The following CREB5 variants were observed in gnomAD, a reference collection of about 807,000 sequenced individuals.
CREB5 encodes the protein cyclic AMP-responsive element-binding protein 5.
CREB5 carries 19 observed loss-of-function variants against 57.1 expected under a neutral mutation model. The observed-to-expected ratio is 0.33, with a 90% CI of 0.23 to 0.49. The LOEUF is 0.49. Among genes scored for constraint, CREB5 ranks in the 20% least tolerant of loss-of-function variants. The probability of loss-of-function intolerance (pLI) is 0.99; values close to 1 mark genes in which losing one functional copy is unlikely to be tolerated. For synonymous variants in CREB5, 238 were observed against 238.3 expected, an observed-to-expected ratio of 1.00 and a Z score of 0.01; for missense variants, 579 against 671.6, an observed-to-expected ratio of 0.86 and a Z score of 1.52.
chr7:28,567,050 C>T (rs572722241), intron 4 of CREB5, among the ~76,000 whole-genome samples: 57 of 152,202 alleles, frequency 3.7e-4, no homozygotes, highest in South Asian at 3.5e-3. Context: ...TTCTTTGTGC[C>T]GCAGCATAAG....
rs200075610 is a variant in CREB5 at position 28,809,432 on chromosome 7, T to G, written c.1254+18T>G. 1.3e-6 allele frequency: 2 copies of G among 1,584,170 alleles called. No homozygotes were observed. Among genetic ancestry groups the G allele is most frequent in the Non-Finnish European group, 8.6e-7 (1 of 1,164,294 alleles). On this transcript the variant is annotated intron_variant, in intron 9 of 10. Coordinates refer to ENST00000357727, the MANE Select transcript of CREB5 (RefSeq NM_182898.4). ...AGCTTCAGGTGCAGCCCACGGTGTC[T>G]TTCCCCGCGACTCAAAGGCCCTCTG...
intron 5 of CREB5, among the ~76,000 whole-genome samples, chr7:28,712,365 C>T (rs890477030): frequency 2.0e-5 from 3 of 151,502 alleles, no homozygotes; most frequent in African/African-American, 4.8e-5. Context: ...AAAATTACCC[C>T]GGCATAGTGG....
At chr7:28,818,739 T>A (rs1002987588) in intron 10 of CREB5, 4 of 462,890 alleles carry the variant, frequency 8.6e-6, no homozygotes, top group Non-Finnish European at 1.7e-5. Flanking sequence ...GAAGGTCAAT[T>A]TATTTTCAAA....
intron 5 of CREB5, among the ~76,000 whole-genome samples, chr7:28,599,834 G>A (rs940711482): frequency 3.9e-5 from 6 of 152,052 alleles, no homozygotes; most frequent in South Asian, 2.1e-4. Flanking sequence ...TCAGGGACAG[G>A]CAGGATATGA....
chr7:28,512,693 G>A lies in CREB5; in HGVS notation c.291+4956G>A, dbSNP rs377335411. 8.6e-5 allele frequency among the ~76,000 whole-genome samples: 13 copies of A among 151,976 alleles called. No homozygotes were observed. The East Asian group carries it at 1.5e-3, about 18-fold the overall frequency. Reference sequence around the variant, plus strand: ...TATGTGTGTGTGTGTAAGGAAGGACGGGTAATTGAAGGGACTAGAAATGAA... The same window carrying A: ...TATGTGTGTGTGTGTAAGGAAGGACAGGTAATTGAAGGGACTAGAAATGAA... On this transcript the variant is annotated intron_variant, in intron 4 of 10. Transcript: ENST00000357727.
intron 7 of CREB5, among the ~76,000 whole-genome samples, chr7:28,727,837 A>G (rs1218346464): frequency 6.6e-6 from 1 of 152,176 alleles, no homozygotes; most frequent in Non-Finnish European, 1.5e-5. Context: ...AAGGCTAGAG[A>G]GTGTTGATAC....
intron 3 of CREB5, among the ~76,000 whole-genome samples, chr7:28,497,503 T>C (rs896568187): frequency 1.8e-4 from 27 of 152,214 alleles, no homozygotes; most frequent in Admixed American, 8.5e-4. Flanking sequence ...ATATTTTCTT[T>C]TGCTTTCTCA....
intron 5 of CREB5, chr7:28,615,331 T>C (rs1797555964): frequency 1.3e-5 from 2 of 152,312 alleles, no homozygotes; most frequent in Admixed American, 1.3e-4. Flanking sequence ...ATACTGGCCT[T>C]AAGCAGCAGT....
In CREB5 at chr7:28,804,315, C is replaced by A; in HGVS notation, c.819C>A (p.His273Gln). ...GGCAGGACCAGACGCCACACCATCA[C>A]ATGCACTCGCACCCGCATCAGCACC... ...GSRQDQTPHH[H>Q]MHSHPHQHQT... is the part of the protein sequence containing the mutation. Residue 273 changes from histidine (H) to glutamine (Q), a missense_variant, in exon 8 of 11, where the codon CAC becomes CAA. Transcript: ENST00000357727. The A allele has an allele frequency of 6.2e-7, 1 of 1,613,982 alleles. No homozygotes were observed. The highest frequency in any genetic ancestry group is 8.5e-7 in the Non-Finnish European group (1 of 1,179,940).
intron 1 of CREB5, among the ~76,000 whole-genome samples, chr7:28,448,989 CTCTGGCTTCTTAA>C (rs1314320285): frequency 2.0e-5 from 3 of 152,316 alleles, no homozygotes; most frequent in African/African-American, 7.2e-5. Flanking sequence ...AGAAATGAAA[CTCTGGCTTCTTAA>C]TCAATTCATA....
intron 7 of CREB5, among the ~76,000 whole-genome samples, chr7:28,740,290 T>C (rs948188887): frequency 6.6e-6 from 1 of 152,220 alleles, no homozygotes; most frequent in Non-Finnish European, 1.5e-5. Context: ...TCAGGTCTTA[T>C]GAAACTCATC....
intron 5 of CREB5, among the ~76,000 whole-genome samples, chr7:28,639,445 A>G (rs1798561481): frequency 6.6e-6 from 1 of 152,202 alleles, no homozygotes; most frequent in African/African-American, 2.4e-5. Context: ...GGTATTTATT[A>G]TATTCTGCCT....
intron 5 of CREB5, among the ~76,000 whole-genome samples, chr7:28,665,587 G>A (rs1305438811): frequency 2.0e-5 from 3 of 152,176 alleles, no homozygotes; most frequent in African/African-American, 7.2e-5. Context: ...AGAAAGTAGG[G>A]GGAAAAACAG....
chr7:28,431,052 T>C lies in CREB5; in HGVS notation c.3+18135T>C, dbSNP rs973200066. 3.9e-5 allele frequency among the ~76,000 whole-genome samples: 6 copies of C among 152,136 alleles called. No individual in the cohort carries two copies. In the South Asian group the frequency reaches 6.2e-4, roughly 16 times the overall value. ...GTTCCTTACTACTGGGGGCTTTCCA[T>C]AGGGGAGCTTACAGTATGACAGCTG... On this transcript the variant is annotated intron_variant, in intron 1 of 10. Coordinates refer to ENST00000357727, the MANE Select transcript of CREB5 (RefSeq NM_182898.4).
At chr7:28,435,381 A>ATTTTTT (rs34815040) in intron 1 of CREB5, among the ~76,000 whole-genome samples, 6 of 103,510 alleles carry the variant, frequency 5.8e-5, no homozygotes, top group Admixed American at 3.3e-4. Flanking sequence ...TTTCCCTTCC[A>ATTTTTT]TTTTTTTTTT....
At chr7:28,300,221 C>T (rs918293941) in intron 1 of CREB5, among the ~76,000 whole-genome samples, 2 of 152,100 alleles carry the variant, frequency 1.3e-5, no homozygotes, top group Non-Finnish European at 2.9e-5. Flanking sequence ...TCATATGGTG[C>T]TAGTTCTCAA....
chr7:28,430,960 C>A (rs1167175823), intron 1 of CREB5, among the ~76,000 whole-genome samples: 1 of 152,198 alleles, frequency 6.6e-6, no homozygotes, highest in Non-Finnish European at 1.5e-5. Context: ...AGGTGATCCA[C>A]ACCAAGCTCA....
intron 1 of CREB5, among the ~76,000 whole-genome samples, chr7:28,358,037 G>C (rs1159995383): frequency 6.6e-6 from 1 of 152,114 alleles, no homozygotes; most frequent in Non-Finnish European, 1.5e-5. Context: ...TACAGTGAAG[G>C]AGCTGGTAGC....
At chr7:28,477,909 G>A (rs1348932177) in intron 1 of CREB5, among the ~76,000 whole-genome samples, 1 of 152,182 alleles carries the variant, frequency 6.6e-6, no homozygotes, top group Non-Finnish European at 1.5e-5. Context: ...GAGCCCGGGA[G>A]TTTGAGACCA....
Sources: gnomAD v4.1 joint callset for allele counts (sites outside exome capture counted in the v4.1 genomes callset) on GRCh38, gnomAD v4.1.1 for gene constraint, MANE v1.5 for transcripts, NCBI Gene and HGNC (gene_info 2026-07-23, HGNC 2026-07-21) for gene names.